The following ARL9 variants were observed in gnomAD, a reference collection of about 807,000 sequenced individuals.
ARL9 encodes ARF like GTPase 9.
Under a neutral mutation model 27.0 loss-of-function variants are expected in ARL9, and 14 were observed. The observed-to-expected ratio is 0.52, with a 90% CI of 0.34 to 0.81. ARL9 has a LOEUF of 0.81. ARL9 is among the 30% of genes least tolerant of loss of function. ARL9 has a pLI of 0.01. For missense variants in ARL9, 294 were observed against 290.0 expected (o/e 1.01, Z -0.10); for synonymous variants, 106 against 108.7 (o/e 0.98, Z 0.15).
intron 2 of ARL9, among the ~76,000 whole-genome samples, chr4:56,516,138 C>G (rs911660928): frequency 6.6e-6 from 1 of 152,124 alleles, no homozygotes; most frequent in South Asian, 2.1e-4. Flanking sequence ...ACTGGGGAAA[C>G]TATTCAATAA....
intron 3 of ARL9, 61 bp downstream of exon 3, chr4:56,518,914 T>C: frequency 7.0e-7 from 1 of 1,435,844 alleles, no homozygotes; most frequent in South Asian, 1.3e-5. Flanking sequence ...AAATGTATAC[T>C]TTTAATACCT....
chr4:56,520,859 A>G lies in ARL9; in HGVS notation c.618+2006A>G, dbSNP rs1464298594. ...AAATGATGACCTAAAATAGGAGCCT[A>G]TGTTAAAGTCCAGTACAGAAGCTAG... On this transcript the variant is annotated intron_variant, in intron 3 of 3. Transcript: ENST00000640821. Among the ~76,000 whole-genome samples the G allele has an allele frequency of 2.0e-5, 3 of 152,188 alleles. No individual in the cohort carries two copies. In the East Asian group the frequency reaches 5.8e-4, roughly 29 times the overall value.
chr4:56,516,894 C>T (rs1275411406), intron 2 of ARL9, among the ~76,000 whole-genome samples: 1 of 151,894 alleles, frequency 6.6e-6, no homozygotes, highest in African/African-American at 2.4e-5. Flanking sequence ...GCACCACTGC[C>T]CTCCAGCCTG....
chr4:56,521,732 A>G (rs760239931), intron 3 of ARL9, among the ~76,000 whole-genome samples: 10 of 152,096 alleles, frequency 6.6e-5, no homozygotes, highest in Non-Finnish European at 8.8e-5. Context: ...GAGTTTGAAC[A>G]TTTTTTCAGA....
At chr4:56,521,071 C>T (rs144013749) in intron 3 of ARL9, among the ~76,000 whole-genome samples, 2,414 of 152,020 alleles carry the variant, frequency 0.016, 74 homozygotes, top group African/African-American at 0.054. Flanking sequence ...ATTAGCCAGG[C>T]GTGGTGGTGC....
intron 2 of ARL9, among the ~76,000 whole-genome samples, chr4:56,517,993 C>CA (rs1428998869): frequency 1.3e-5 from 2 of 152,052 alleles, no homozygotes; most frequent in African/African-American, 4.8e-5. Flanking sequence ...AGCATACTCC[C>CA]ATTTTCTTTT....
chr4:56,515,914 A>T (rs561517133), intron 2 of ARL9, among the ~76,000 whole-genome samples: 1 of 152,332 alleles, frequency 6.6e-6, no homozygotes, highest in South Asian at 2.1e-4. Flanking sequence ...CAATAGCTCA[A>T]CAAGATTTTT....
At chr4:56,510,200 A>G (rs1225799866) in intron 1 of ARL9, among the ~76,000 whole-genome samples, 1 of 151,640 alleles carries the variant, frequency 6.6e-6, no homozygotes, top group Non-Finnish European at 1.5e-5. Flanking sequence ...TGTAGTAAAA[A>G]TACAAATTGC....
chr4:56,505,803 C>T lies in ARL9; in HGVS notation c.-60C>T, dbSNP rs1721439016. The T allele has an allele frequency of 7.6e-7, 1 of 1,315,930 alleles. No homozygotes were observed. Among genetic ancestry groups the T allele is most frequent in the Non-Finnish European group, 9.7e-7 (1 of 1,036,172 alleles). 81.5% of individuals were successfully genotyped at this position (1,315,930 alleles called of 1,614,324 possible). A position where few individuals can be genotyped will look rare whatever the true frequency, so the allele number is the denominator to read the frequency against. On this transcript the variant is annotated 5_prime_UTR_variant, in exon 1 of 4. Coordinates refer to ENST00000640821, the MANE Select transcript of ARL9 (RefSeq NM_001363794.2). Reference sequence around the variant, plus strand: ...CACCTCGGGAGCCACACCTGGGGCCCAGAGCCACCGCTCAGCACGCGGGCA... The same window carrying T: ...CACCTCGGGAGCCACACCTGGGGCCTAGAGCCACCGCTCAGCACGCGGGCA...
intron 1 of ARL9, 96 bp downstream of exon 1, chr4:56,506,237 C>A: frequency 8.5e-7 from 1 of 1,170,676 alleles, no homozygotes; most frequent in Non-Finnish European, 1.1e-6. Context: ...CCCCCGACCG[C>A]GTGGGAGCGA....
intron 1 of ARL9, 114 bp from the exon 2 acceptor site, chr4:56,511,071 C>T: frequency 9.4e-7 from 1 of 1,063,600 alleles, no homozygotes; most frequent in Non-Finnish European, 1.3e-6. Flanking sequence ...CCGCACCTGG[C>T]CCGTGGAGTT....
chr4:56,511,406 T>C lies in ARL9; in HGVS notation c.442+59T>C, dbSNP rs61406423. 3.8e-3 allele frequency: 5,743 copies of C among 1,513,260 alleles called. 192 individuals are homozygous for C. In the African/African-American group the frequency reaches 0.072, roughly 19 times the overall value. The allele number at this position is 1,513,260 out of a possible 1,614,324, so 93.7% of individuals were successfully genotyped here. A position where few individuals can be genotyped will look rare whatever the true frequency, so the allele number is the denominator to read the frequency against. ...ACATTTTATTGTCTCTTAAGCCAGA[T>C]ATGATGTTAGCAACATTGAGTCCTT... On this transcript the variant is annotated intron_variant, in intron 2 of 3. Transcript: ENST00000640821.
At chr4:56,510,642 T>C (rs1202766307) in intron 1 of ARL9, among the ~76,000 whole-genome samples, 1 of 152,204 alleles carries the variant, frequency 6.6e-6, no homozygotes, top group Non-Finnish European at 1.5e-5. Flanking sequence ...ATTTATTTGA[T>C]AGACTGATCA....
At chr4:56,505,774 C>T (rs1426334261), upstream of ARL9, 6 of 1,362,356 alleles carry the variant, frequency 4.4e-6, no homozygotes, top group Non-Finnish European at 5.6e-6. Flanking sequence ...CTCTGTCGGG[C>T]GTGCACCTCG....
chr4:56,505,974 A>G lies in ARL9; in HGVS notation c.112A>G (p.Ile38Val). Residue 38 changes from isoleucine (I) to valine (V), a missense_variant, in exon 1 of 4, where the codon ATT (isoleucine) becomes GTT (valine). By Grantham distance (29) the Ile-to-Val change is conservative. Coordinates refer to ENST00000640821, the MANE Select transcript of ARL9 (RefSeq NM_001363794.2). Reference sequence around the variant, plus strand: ...GAAAAGAAAGGAGGTGGAGCAGAAAATTAAACAAAAGCAAGAGAAGCAGGA... The same window carrying G: ...GAAAAGAAAGGAGGTGGAGCAGAAAGTTAAACAAAAGCAAGAGAAGCAGGA... Reference protein sequence around the residue: ...KVKRKEVEQKIKQKQEKQERR... With the variant: ...KVKRKEVEQKVKQKQEKQERR... 1 of 1,209,314 alleles carries G rather than the reference A, an allele frequency of 8.3e-7. No homozygotes were observed. The highest frequency in any genetic ancestry group is 1.0e-6 in the Non-Finnish European group (1 of 968,956). 74.9% of individuals were successfully genotyped at this position (1,209,314 alleles called of 1,614,324 possible).
intron 3 of ARL9, among the ~76,000 whole-genome samples, chr4:56,520,753 A>T (rs1721895875): frequency 6.6e-6 from 1 of 152,232 alleles, no homozygotes; most frequent in Non-Finnish European, 1.5e-5. Flanking sequence ...TAGGTTTGCC[A>T]ATCATAGAAG....
At chr4:56,516,601 A>C (rs1187867104) in intron 2 of ARL9, among the ~76,000 whole-genome samples, 1 of 150,668 alleles carries the variant, frequency 6.6e-6, no homozygotes, top group Non-Finnish European at 1.5e-5. Flanking sequence ...AAAAAAAAAA[A>C]AGAAAAAGAA....
Position 56,518,716 on chromosome 4 carries a change from T to C in ARL9, c.481T>C (p.Tyr161His). ...ACCTTTTCGGTCCTACTGGGAAATG[T>C]ACCTATCCAAGGGATTGCTGCTGAT... ...SKPFRSYWEM[Y>H]LSKGLLLIFV... The change falls in exon 3 of 4, where the codon TAC becomes CAC. Residue 161 changes from tyrosine to histidine, a missense_variant. Tyr to His is a moderately conservative substitution (Grantham distance 83). Transcript: ENST00000640821. The C allele has an allele frequency of 6.2e-7, 1 of 1,613,942 alleles. No individual in the cohort carries two copies. Among genetic ancestry groups the C allele is most frequent in the Non-Finnish European group, 8.5e-7 (1 of 1,179,846 alleles).
Position 56,523,949 on chromosome 4 carries a change from G to T in ARL9, c.*73G>T. The stretch of plus-strand genomic sequence containing the variant: ...TTGAATGGCAGGCTTGAAGCCAAAG[G>T]TTTCCACCTCAAATAAAAATTAAGC... On this transcript the variant is annotated 3_prime_UTR_variant, in exon 4 of 4. Coordinates refer to ENST00000640821, the MANE Select transcript of ARL9 (RefSeq NM_001363794.2). 1 of 1,400,112 alleles carries T rather than the reference G, an allele frequency of 7.1e-7. No homozygotes were observed. The allele number at this position is 1,400,112 out of a possible 1,614,324, so 86.7% of individuals were successfully genotyped here.
Sources: gnomAD v4.1 joint callset for allele counts (sites outside exome capture counted in the v4.1 genomes callset) on GRCh38, gnomAD v4.1.1 for gene constraint, MANE v1.5 for transcripts, NCBI Gene and HGNC (gene_info 2026-07-23, HGNC 2026-07-21) for gene names.